Variants in PIGU observed in about 807,000 individuals in gnomAD.
The protein encoded by PIGU is phosphatidylinositol glycan anchor biosynthesis class U.
In PIGU, 24 loss-of-function variants were observed where a neutral mutation model predicts 49.9. That is an observed-to-expected ratio of 0.48 (90% CI 0.35 to 0.68). The LOEUF is 0.68. PIGU is among the 30% of genes least tolerant of loss of function. The pLI is 0.01. For missense variants in PIGU, 490 were observed against 532.6 expected, an observed-to-expected ratio of 0.92 and a Z score of 0.79; for synonymous variants, 220 against 205.7, an observed-to-expected ratio of 1.07 and a Z score of -0.59.
At chr20:34,568,551 G>T (rs892669128) in intron 11 of PIGU, among the ~76,000 whole-genome samples, 1 of 152,134 alleles carries the variant, frequency 6.6e-6, no homozygotes, top group Admixed American at 6.5e-5. Context: ...AACCCCAAAT[G>T]GGGGCTACAC....
intron 7 of PIGU, among the ~76,000 whole-genome samples, chr20:34,595,508 A>G (rs1984167106): frequency 6.6e-6 from 1 of 152,184 alleles, no homozygotes; most frequent in South Asian, 2.1e-4. Context: ...TCCACCACAA[A>G]TACCGAGGGA....
At chr20:34,586,910 AC>A (rs1983718329) in intron 8 of PIGU, among the ~76,000 whole-genome samples, 1 of 152,114 alleles carries the variant, frequency 6.6e-6, no homozygotes, top group East Asian at 1.9e-4. Context: ...TCTTTAACCC[AC>A]TTATGCTGGA....
intron 7 of PIGU, among the ~76,000 whole-genome samples, chr20:34,590,671 T>C (rs1983930532): frequency 6.7e-6 from 1 of 149,746 alleles, no homozygotes; most frequent in African/African-American, 2.5e-5. Flanking sequence ...AATCATGTTG[T>C]TAGGAAAAAA....
rs746648714 is a variant in PIGU, at chr20:34,634,606, G to C, written c.529+9C>G. 4 of 1,611,656 alleles carry C rather than the reference G, an allele frequency of 2.5e-6. No individual in the cohort carries two copies. In the South Asian group the frequency reaches 3.3e-5, roughly 13 times the overall value. On this transcript the variant is annotated intron_variant, in intron 6 of 11. Coordinates refer to ENST00000217446, the MANE Select transcript of PIGU (RefSeq NM_080476.5). ...GACTGACCTTTGTACTCTCCTTTCA[G>C]GGCCTTACCTTTTATCGTAGTCAAA...
rs1983659977 is a variant in PIGU, at chr20:34,585,438, T to G, written c.925A>C (p.Lys309Gln). Residue 309 changes from lysine (K) to glutamine (Q), a missense_variant and splice_region_variant, in exon 9 of 12, where the codon AAG (lysine) becomes CAG (glutamine). By Grantham distance (53) the Lys-to-Gln change is moderately conservative. Coordinates refer to ENST00000217446, the MANE Select transcript of PIGU (RefSeq NM_080476.5). ...GCAGCAGCAGGTCCAGCCACTTACT[T>G]TAGCTTTATGGCTAAGGGGATGGTG... ...FYTIPLAIKL[K>Q]EHPIFFMFIQ... 6.2e-7 allele frequency: 1 copy of G among 1,614,034 alleles called. No homozygotes were observed. Among genetic ancestry groups the G allele is most frequent in the Non-Finnish European group, 8.5e-7 (1 of 1,179,988 alleles).
At chr20:34,600,548 A>G (rs1188741994) in intron 7 of PIGU, among the ~76,000 whole-genome samples, 1 of 152,128 alleles carries the variant, frequency 6.6e-6, no homozygotes, top group Non-Finnish European at 1.5e-5. Context: ...TCCTCCTGAA[A>G]AAGACTGCCA....
chr20:34,614,558 G>T (rs1487156991), intron 7 of PIGU, among the ~76,000 whole-genome samples: 1 of 151,400 alleles, frequency 6.6e-6, no homozygotes, highest in African/African-American at 2.4e-5. Flanking sequence ...CTGGGAGATG[G>T]AGGCTGCAGT....
chr20:34,596,741 A>T (rs1984215913), intron 7 of PIGU, among the ~76,000 whole-genome samples: 1 of 152,192 alleles, frequency 6.6e-6, no homozygotes, highest in South Asian at 2.1e-4. Flanking sequence ...TGTGATGTTC[A>T]AATCGTTTAC....
Position 34,588,595 on chromosome 20 carries a change from G to A in PIGU, c.640C>T (p.Pro214Ser). ...LLYLLQRQYI[P>S]VKMKSKAFWI... ...AAGGCTTTGCTCTTCATTTTCACAG[G>A]TATGTACTGCCGCTGGAGAGAAGGC... Residue 214 changes from proline to serine, a missense_variant, in exon 8 of 12, where the codon CCT becomes TCT. By Grantham distance (74) the Pro-to-Ser change is moderately conservative. Coordinates refer to ENST00000217446, the MANE Select transcript of PIGU (RefSeq NM_080476.5). 6.2e-7 allele frequency: 1 copy of A among 1,613,740 alleles called. No individual in the cohort carries two copies. Among genetic ancestry groups the A allele is most frequent in the Non-Finnish European group, 8.5e-7 (1 of 1,179,840 alleles).
chr20:34,675,146 G>C (rs1172997068), intron 1 of PIGU, among the ~76,000 whole-genome samples: 1 of 151,376 alleles, frequency 6.6e-6, no homozygotes, highest in Non-Finnish European at 1.5e-5. Flanking sequence ...TGCCCAGGAG[G>C]CTGAGGCAGA....
intron 2 of PIGU, among the ~76,000 whole-genome samples, chr20:34,653,608 G>A (rs557651152): frequency 5.3e-5 from 8 of 152,180 alleles, no homozygotes; most frequent in Non-Finnish European, 1.2e-4. Context: ...ACACCTAGCA[G>A]AGTAGCTGGC....
At chr20:34,631,785 A>ATTTT (rs1166878990) in intron 6 of PIGU, among the ~76,000 whole-genome samples, 3 of 6,444 alleles carry the variant, frequency 4.7e-4, no homozygotes, top group Non-Finnish European at 6.5e-4. Context: ...ATATATATAT[A>ATTTT]TTTTTTTTTT....
At chr20:34,669,095 C>T (rs1180392231) in intron 1 of PIGU, among the ~76,000 whole-genome samples, 3 of 151,802 alleles carry the variant, frequency 2.0e-5, no homozygotes, top group African/African-American at 7.3e-5. Context: ...CTATGTTGCC[C>T]AGACTGGTCA....
intron 4 of PIGU, among the ~76,000 whole-genome samples, chr20:34,639,477 A>G (rs1483219595): frequency 6.6e-6 from 1 of 152,146 alleles, no homozygotes; most frequent in Non-Finnish European, 1.5e-5. Context: ...TGTGGATGAT[A>G]ACCACTAGAT....
chr20:34,663,997 C>T (rs1987004602), intron 1 of PIGU, among the ~76,000 whole-genome samples: 1 of 152,164 alleles, frequency 6.6e-6, no homozygotes, highest in Admixed American at 6.5e-5. Context: ...CTCAGATATG[C>T]TTTTGCTAGA....
chr20:34,581,488 G>A, intron 10 of PIGU, 60 bp downstream of exon 10: 1 of 1,595,752 alleles, frequency 6.3e-7, no homozygotes, highest in African/African-American at 1.3e-5. Context: ...CCTTTTCCCT[G>A]CAGCAGTCTC....
At chr20:34,648,907 C>A (rs1210987152) in intron 2 of PIGU, among the ~76,000 whole-genome samples, 4 of 151,760 alleles carry the variant, frequency 2.6e-5, no homozygotes, top group African/African-American at 9.7e-5. Context: ...CTCACTCTGT[C>A]CCCAGGCTGG....
rs1057401996 is a variant in PIGU at position 34,615,958 on chromosome 20, C to T, written c.627+84G>A. The stretch of plus-strand genomic sequence containing the variant: ...CAAGCTTCCCACTGCCTTTACTAAC[C>T]CGTGCCCTTCCTTTCCCCCAGCAGG... On this transcript the variant is annotated intron_variant, in intron 7 of 11. Transcript: ENST00000217446. 1.5e-5 allele frequency: 22 copies of T among 1,492,090 alleles called. No homozygotes were observed. In the African/African-American group the frequency reaches 2.0e-4, roughly 14 times the overall value. 92.4% of individuals were successfully genotyped at this position (1,492,090 alleles called of 1,614,324 possible).
At chr20:34,584,671 G>A (rs1270817784) in intron 9 of PIGU, among the ~76,000 whole-genome samples, 1 of 151,642 alleles carries the variant, frequency 6.6e-6, no homozygotes, top group African/African-American at 2.4e-5. Context: ...CACCACACCT[G>A]GCTAATTTTT....
Sources: allele counts gnomAD v4.1 joint callset (sites outside exome capture counted in the v4.1 genomes callset), GRCh38; gene constraint gnomAD v4.1.1; transcripts MANE v1.5; gene names NCBI Gene and HGNC (gene_info 2026-07-23, HGNC 2026-07-21).